The following SCN10A variants were observed in gnomAD, a reference collection of about 807,000 sequenced individuals.
SCN10A encodes the protein sodium channel protein type 10 subunit alpha.
SCN10A carries 162 observed loss-of-function variants against 170.7 expected under a neutral mutation model. The ratio of observed to expected loss-of-function variants is 0.95; its 90% confidence interval spans 0.84 to 1.08. The LOEUF (loss-of-function observed/expected upper bound fraction) is 1.08, where lower values mean the gene tolerates loss of function less well. Ranked by LOEUF, SCN10A falls within the 50% of genes least tolerant of loss-of-function variation. SCN10A has a pLI of 0.00. For synonymous variants in SCN10A, 985 were observed against 904.6 expected (o/e 1.09, Z -1.59); for missense variants, 2,527 against 2,436.9 (o/e 1.04, Z -0.78).
At chr3:38,814,082 A>C (rs2064456940) in intron 1 of SCN10A, among the ~76,000 whole-genome samples, 1 of 152,206 alleles carries the variant, frequency 6.6e-6, no homozygotes, top group Non-Finnish European at 1.5e-5. Context: ...GCACCATGTA[A>C]ATAAACACAA....
chr3:38,744,969 T>C lies in SCN10A; in HGVS notation c.1868-2440A>G, dbSNP rs557578610. ...GCAAAGCATAGTTCTCTAAAGAAGT[T>C]GGCACATCCTGGGACCAAAATCAAC... On this transcript the variant is annotated intron_variant, in intron 13 of 27. Transcript: ENST00000449082. Among the ~76,000 whole-genome samples the C allele has an allele frequency of 9.3e-4, 142 of 152,354 alleles. 1 individual carries two copies. Among genetic ancestry groups the C allele is most frequent in the Middle Eastern group, 6.8e-3 (2 of 294 alleles).
rs117826090 is a variant in SCN10A, at chr3:38,731,785, C to T, written c.2281-2884G>A. 2.4e-4 allele frequency among the ~76,000 whole-genome samples: 36 copies of T among 152,328 alleles called. 1 individual carries two copies. The East Asian group carries it at 6.6e-3, about 28-fold the overall frequency. ...AAGCATGAAGAGATAACTGTGCAGG[C>T]CCATGGACTCTCCAAACCTCCCCTT... is the stretch of plus-strand genomic sequence containing the variant. On this transcript the variant is annotated intron_variant, in intron 15 of 27. Coordinates refer to ENST00000449082, the MANE Select transcript of SCN10A (RefSeq NM_006514.4).
intron 14 of SCN10A, among the ~76,000 whole-genome samples, chr3:38,741,524 A>T (rs1481911101): frequency 6.6e-6 from 1 of 152,194 alleles, no homozygotes; most frequent in Non-Finnish European, 1.5e-5. Context: ...TGTGAAAATA[A>T]AATGAGATAA....
At chr3:38,814,493 G>GT (rs2064460038) in intron 1 of SCN10A, among the ~76,000 whole-genome samples, 1 of 152,210 alleles carries the variant, frequency 6.6e-6, no homozygotes, top group African/African-American at 2.4e-5. Flanking sequence ...CCCAGAGTCA[G>GT]TAATTAGTGG....
chr3:38,758,615 C>T (rs2126030022), intron 8 of SCN10A, among the ~76,000 whole-genome samples: 1 of 152,310 alleles, frequency 6.6e-6, no homozygotes, highest in East Asian at 1.9e-4. Context: ...TCCCACAGTG[C>T]CATTGGCCAA....
intron 26 of SCN10A, among the ~76,000 whole-genome samples, chr3:38,706,435 G>A (rs982265267): frequency 6.6e-6 from 1 of 152,182 alleles, no homozygotes; most frequent in Non-Finnish European, 1.5e-5. Context: ...GCCACAGAAA[G>A]TTTATGTAGA....
At chr3:38,803,468 C>A (rs2064385953) in intron 1 of SCN10A, among the ~76,000 whole-genome samples, 1 of 151,892 alleles carries the variant, frequency 6.6e-6, no homozygotes, top group Admixed American at 6.6e-5. Context: ...TACTATGCAG[C>A]CATAAAAAAG....
chr3:38,752,143 T>A (rs1240713039), intron 12 of SCN10A, 76 bp downstream of exon 12: 25 of 1,323,092 alleles, frequency 1.9e-5, no homozygotes, highest in Non-Finnish European at 2.4e-5. Flanking sequence ...CTTCCATTGG[T>A]GATACTCAGG....
intron 1 of SCN10A, among the ~76,000 whole-genome samples, chr3:38,796,992 A>G (rs2064344889): frequency 6.6e-6 from 1 of 152,144 alleles, no homozygotes; most frequent in South Asian, 2.1e-4. Context: ...GCGAAACTTA[A>G]TAGCTGAAAA....
intron 11 of SCN10A, 120 bp downstream of exon 11, chr3:38,755,668 T>C: frequency 1.7e-6 from 2 of 1,160,684 alleles, no homozygotes; most frequent in Non-Finnish European, 2.5e-6. Flanking sequence ...GGTGTCTGGA[T>C]CCTTTTAGGC....
rs77019133 is a variant in SCN10A at position 38,723,294 on chromosome 3, C to T, written c.3352+136G>A. ...CTGGGGCATGTGTGTCTGATGCGGGCGCCCTCAAGCCTGGGAGTGAGGCAG... is the reference window on the plus strand; with the variant it reads ...CTGGGGCATGTGTGTCTGATGCGGGTGCCCTCAAGCCTGGGAGTGAGGCAG... On this transcript the variant is annotated intron_variant, in intron 19 of 27. Transcript: ENST00000449082. 8.2e-3 allele frequency: 8,596 copies of T among 1,043,050 alleles called. 447 individuals carry two copies. In the African/African-American group the frequency reaches 0.12, roughly 14 times the overall value. The allele number at this position is 1,043,050 out of a possible 1,614,324, so 64.6% of individuals were successfully genotyped here.
intron 8 of SCN10A, among the ~76,000 whole-genome samples, chr3:38,758,934 G>T (rs1282891663): frequency 6.6e-6 from 1 of 152,180 alleles, no homozygotes; most frequent in Admixed American, 6.5e-5. Flanking sequence ...ATGCTGAGGG[G>T]CTCTTGGTTT....
intron 3 of SCN10A, among the ~76,000 whole-genome samples, chr3:38,791,813 G>T (rs894247722): frequency 1.3e-5 from 2 of 152,184 alleles, no homozygotes; most frequent in African/African-American, 4.8e-5. Context: ...GTCTAGATTA[G>T]TCTGAGGTGA....
chr3:38,812,612 C>T (rs2064448272), intron 1 of SCN10A, among the ~76,000 whole-genome samples: 1 of 152,098 alleles, frequency 6.6e-6, no homozygotes, highest in Admixed American at 6.5e-5. Context: ...AGTGGCTACC[C>T]CTCTCCTGCC....
At chr3:38,766,239 C>T (rs2063931405) in intron 5 of SCN10A, among the ~76,000 whole-genome samples, 1 of 152,014 alleles carries the variant, frequency 6.6e-6, no homozygotes, top group Non-Finnish European at 1.5e-5. Flanking sequence ...TTTCTCTTGT[C>T]TGATTGCTCT....
chr3:38,722,164 G>A lies in SCN10A; in HGVS notation c.3507+94C>T. On this transcript the variant is annotated intron_variant, in intron 20 of 27. Coordinates refer to ENST00000449082, the MANE Select transcript of SCN10A (RefSeq NM_006514.4). ...AAGGTTGGGGACTTTCAGCTCAGTAGTCAGGAGAACCCACTGATGCAGCTC... is the reference window on the plus strand; with the variant it reads ...AAGGTTGGGGACTTTCAGCTCAGTAATCAGGAGAACCCACTGATGCAGCTC... 3 of 1,266,096 alleles carry A rather than the reference G, an allele frequency of 2.4e-6. No homozygotes were observed. The South Asian group carries it at 4.2e-5, about 18-fold the overall frequency. 78.4% of individuals were successfully genotyped at this position (1,266,096 alleles called of 1,614,324 possible). A position where few individuals can be genotyped will look rare whatever the true frequency, so the allele number is the denominator to read the frequency against.
intron 5 of SCN10A, among the ~76,000 whole-genome samples, chr3:38,767,896 T>G (rs914568537): frequency 2.0e-5 from 3 of 152,120 alleles, no homozygotes; most frequent in Non-Finnish European, 4.4e-5. Context: ...CTAGTAGTAA[T>G]TGTTTTATAA....
At chr3:38,806,299 C>T (rs2126065702) in intron 1 of SCN10A, among the ~76,000 whole-genome samples, 1 of 152,218 alleles carries the variant, frequency 6.6e-6, no homozygotes, top group East Asian at 1.9e-4. Flanking sequence ...GAGTCTTTAC[C>T]TCCGTATCAT....
chr3:38,704,530 T>C (rs1014581754), intron 26 of SCN10A, among the ~76,000 whole-genome samples: 2 of 152,220 alleles, frequency 1.3e-5, no homozygotes, highest in Non-Finnish European at 2.9e-5. Context: ...CAACCCTTGG[T>C]GCTCTCAGAG....
Sources: allele counts gnomAD v4.1 joint callset (sites outside exome capture counted in the v4.1 genomes callset), GRCh38; gene constraint gnomAD v4.1.1; transcripts MANE v1.5; gene names NCBI Gene and HGNC (gene_info 2026-07-23, HGNC 2026-07-21).